Variants in BRINP2 observed in about 807,000 individuals in gnomAD.
BRINP2 encodes the protein BMP/retinoic acid-inducible neural-specific protein 2.
A neutral mutation model predicts 69.2 loss-of-function variants in BRINP2; 21 were observed. That is an observed-to-expected ratio of 0.30 (90% CI 0.22 to 0.44). BRINP2 has a LOEUF of 0.44. Among genes scored for constraint, BRINP2 ranks in the 20% least tolerant of loss-of-function variants. The probability of loss-of-function intolerance (pLI) is 1.00; values close to 1 mark genes in which losing one functional copy is unlikely to be tolerated. For missense variants in BRINP2, 877 were observed against 986.0 expected (o/e 0.89, Z 1.48); for synonymous variants, 380 against 394.1 (o/e 0.96, Z 0.42).
At chr1:177,266,101 CAG>C (rs1651108345) in intron 4 of BRINP2, among the ~76,000 whole-genome samples, 2 of 150,552 alleles carry the variant, frequency 1.3e-5, no homozygotes, top group Admixed American at 1.3e-4. Flanking sequence ...GCCTGGGTGA[CAG>C]AGTGAGACTC....
At chr1:177,271,539 C>G (rs976732605) in intron 4 of BRINP2, among the ~76,000 whole-genome samples, 1 of 152,200 alleles carries the variant, frequency 6.6e-6, no homozygotes, top group Non-Finnish European at 1.5e-5. Context: ...TCTGTGGTCT[C>G]AAGGACTGTA....
At chr1:177,277,579 G>A (rs1651540512) in intron 6 of BRINP2, among the ~76,000 whole-genome samples, 1 of 151,258 alleles carries the variant, frequency 6.6e-6, no homozygotes, top group African/African-American at 2.4e-5. Context: ...ATCTTCTGAG[G>A]AGATGAGGAA....
At chr1:177,200,485 C>T (rs2102303119) in intron 1 of BRINP2, among the ~76,000 whole-genome samples, 1 of 152,018 alleles carries the variant, frequency 6.6e-6, no homozygotes. Context: ...CCTGCTCTCC[C>T]ACTCACTGCT....
At chr1:177,208,488 G>A (rs189354951) in intron 1 of BRINP2, among the ~76,000 whole-genome samples, 4 of 152,236 alleles carry the variant, frequency 2.6e-5, no homozygotes, top group East Asian at 1.9e-4. Flanking sequence ...GTGTGGTGAC[G>A]GCTGTAACCC....
chr1:177,257,525 C>A (rs1473736125), intron 4 of BRINP2, 141 bp downstream of exon 4: 1 of 808,070 alleles, frequency 1.2e-6, no homozygotes, highest in Non-Finnish European at 1.9e-6. Context: ...ACACAGCCAG[C>A]CTTCAGACAC....
intron 2 of BRINP2, among the ~76,000 whole-genome samples, chr1:177,249,068 G>T (rs1014334049): frequency 6.6e-6 from 1 of 152,022 alleles, no homozygotes; most frequent in Non-Finnish European, 1.5e-5. Flanking sequence ...TATGCAATTT[G>T]GGATAAAGAT....
intron 1 of BRINP2, among the ~76,000 whole-genome samples, chr1:177,208,494 A>C (rs564507772): frequency 2.0e-5 from 3 of 152,342 alleles, no homozygotes; most frequent in Admixed American, 1.3e-4. Flanking sequence ...TGACGGCTGT[A>C]ACCCACTAAC....
intron 2 of BRINP2, among the ~76,000 whole-genome samples, chr1:177,245,599 A>G (rs904243083): frequency 3.3e-5 from 5 of 152,186 alleles, no homozygotes; most frequent in Admixed American, 2.0e-4. Context: ...GAACAGAGCT[A>G]TGCTGTCCAC....
At chr1:177,254,691 CAAA>C (rs34104005) in intron 2 of BRINP2, among the ~76,000 whole-genome samples, 5 of 144,006 alleles carry the variant, frequency 3.5e-5, no homozygotes, top group African/African-American at 7.5e-5. Flanking sequence ...AGGTGTTTCT[CAAA>C]AAAAAAAAAT....
chr1:177,253,381 TA>T (rs919476317), intron 2 of BRINP2, among the ~76,000 whole-genome samples: 13 of 151,944 alleles, frequency 8.6e-5, no homozygotes, highest in South Asian at 2.1e-4. Context: ...TTCTGACCAT[TA>T]AAAAAAATGT....
At chr1:177,224,440 T>A (rs1052443646) in intron 1 of BRINP2, among the ~76,000 whole-genome samples, 1 of 152,166 alleles carries the variant, frequency 6.6e-6, no homozygotes, top group African/African-American at 2.4e-5. Context: ...TCCCCTTACA[T>A]ATGTGCCCCT....
Position 177,278,696 on chromosome 1 carries a change from G to A in BRINP2, c.1146G>A (p.Leu382=). ...YQQLGAGLKV[L]FKKTHRILRR... ...AGCTGGGAGCTGGCTTGAAAGTGCTGTTCAAAAAGACCCATCGGATCCTAC... is the reference window on the plus strand; with the variant it reads ...AGCTGGGAGCTGGCTTGAAAGTGCTATTCAAAAAGACCCATCGGATCCTAC... Residue 382 remains leucine (L), a synonymous_variant, in exon 7 of 8, where the codon CTG becomes CTA. Transcript: ENST00000361539. 1 of 1,614,218 alleles carries A rather than the reference G, an allele frequency of 6.2e-7. No individual in the cohort carries two copies.
At chr1:177,248,037 G>C (rs1468585873) in intron 2 of BRINP2, among the ~76,000 whole-genome samples, 1 of 152,136 alleles carries the variant, frequency 6.6e-6, no homozygotes, top group Admixed American at 6.5e-5. Context: ...TGTGGACTTG[G>C]AAATGGGCCG....
intron 1 of BRINP2, among the ~76,000 whole-genome samples, chr1:177,197,245 G>A (rs1648773389): frequency 6.6e-6 from 1 of 152,152 alleles, no homozygotes; most frequent in African/African-American, 2.4e-5. Flanking sequence ...CACATGGCAG[G>A]AGCAGGAGCC....
rs546034227 is a variant in BRINP2 at position 177,186,136 on chromosome 1, G to A, written c.-77+14404G>A. On this transcript the variant is annotated intron_variant, in intron 1 of 7. Transcript: ENST00000361539. ...ATTGGGTTGAAGATCTGGCCATCCC[G>A]CTGACAACTTGATATGGAATACAGT... 2.1e-4 allele frequency among the ~76,000 whole-genome samples: 32 copies of A among 152,230 alleles called. 1 individual carries two copies. The highest frequency in any genetic ancestry group is 1.2e-3 in the South Asian group (6 of 4,820).
At chr1:177,182,686 G>A (rs1039395681) in intron 1 of BRINP2, among the ~76,000 whole-genome samples, 3 of 152,182 alleles carry the variant, frequency 2.0e-5, no homozygotes, top group Admixed American at 1.3e-4. Flanking sequence ...TGACGACATG[G>A]TCATTGAGAG....
chr1:177,276,166 C>T, intron 5 of BRINP2, 32 bp from the exon 6 acceptor site: 1 of 1,587,800 alleles, frequency 6.3e-7, no homozygotes, highest in South Asian at 1.1e-5. Context: ...ACTGGTTCTT[C>T]CCAGAGATTC....
rs1021328200 is a variant in BRINP2 at position 177,247,544 on chromosome 1, C to T, written c.270-8375C>T. ...ATGTCCTCTGTTTATCTTCATTTTT[C>T]AGGGAAAACCAGTTTGGTTCAAACT... is the stretch of plus-strand genomic sequence containing the variant. On this transcript the variant is annotated intron_variant, in intron 2 of 7. Transcript: ENST00000361539. 4.6e-5 allele frequency among the ~76,000 whole-genome samples: 7 copies of T among 152,302 alleles called. 1 individual carries two copies. The South Asian group carries it at 1.0e-3, about 23-fold the overall frequency.
chr1:177,173,909 G>T (rs1402403559), intron 1 of BRINP2, among the ~76,000 whole-genome samples: 1 of 152,158 alleles, frequency 6.6e-6, no homozygotes, highest in Non-Finnish European at 1.5e-5. Flanking sequence ...GAGGTTTCCT[G>T]GTTAGTGTTT....
Sources: allele counts gnomAD v4.1 joint callset (sites outside exome capture counted in the v4.1 genomes callset), GRCh38; gene constraint gnomAD v4.1.1; transcripts MANE v1.5; gene names NCBI Gene and HGNC (gene_info 2026-07-23, HGNC 2026-07-21).